The following GLMN variants were observed in gnomAD, a reference collection of about 807,000 sequenced individuals.
GLMN encodes glomulin.
GLMN carries 75 observed loss-of-function variants against 87.8 expected under a neutral mutation model. The ratio of observed to expected loss-of-function variants is 0.85; its 90% confidence interval spans 0.71 to 1.04. The LOEUF is 1.04. Ranked by LOEUF, GLMN falls within the 50% of genes least tolerant of loss-of-function variation. The pLI is 0.00. For synonymous variants in GLMN, 206 were observed against 221.6 expected, an observed-to-expected ratio of 0.93 and a Z score of 0.63; for missense variants, 588 against 658.8, an observed-to-expected ratio of 0.89 and a Z score of 1.18.
At chr1:92,351,305 C>CAAAAAAAAAAA in the GLMN span, among the ~76,000 whole-genome samples, 11 of 86,836 alleles carry the variant, frequency 1.3e-4, no homozygotes, top group African/African-American at 4.2e-4. Flanking sequence ...GACTCTGTCT[C>CAAAAAAAAAAA]AAAAAAAAAA....
chr1:92,304,486 A>G, the GLMN span: 1 of 505,032 alleles, frequency 2.0e-6, no homozygotes, highest in East Asian at 3.5e-5. Flanking sequence ...TGGTTAGAAA[A>G]TAGTGATGTT....
At chr1:92,351,396 T>C in the GLMN span, among the ~76,000 whole-genome samples, 9 of 152,128 alleles carry the variant, frequency 5.9e-5, no homozygotes, top group African/African-American at 2.2e-4. Flanking sequence ...TCATATTTGT[T>C]TTTATATTCC....
rs1190336395 is a variant in GLMN at position 92,264,655 on chromosome 1, C to G, written c.1215-17G>C. On this transcript the variant is annotated splice_polypyrimidine_tract_variant and intron_variant, in intron 13 of 18. Coordinates refer to ENST00000370360, the MANE Select transcript of GLMN (RefSeq NM_053274.3). ...AATAAGCACCTTGAAAGCAAAATTA[C>G]AATAGATGTGAAATTATCCTGGACA... 3 of 1,328,242 alleles carry G rather than the reference C, an allele frequency of 2.3e-6. No homozygotes were observed. The highest frequency in any genetic ancestry group is 1.7e-5 in the Admixed American group (1 of 59,628). 82.3% of individuals were successfully genotyped at this position (1,328,242 alleles called of 1,614,324 possible).
chr1:92,350,360 A>G, the GLMN span, among the ~76,000 whole-genome samples: 1 of 152,168 alleles, frequency 6.6e-6, no homozygotes, highest in Non-Finnish European at 1.5e-5. Context: ...TAACAGTGAT[A>G]ATTGATTGAC....
At chr1:92,321,475 TA>T in the GLMN span, among the ~76,000 whole-genome samples, 2 of 151,828 alleles carry the variant, frequency 1.3e-5, no homozygotes, top group African/African-American at 4.8e-5. Flanking sequence ...TATATATATA[TA>T]TTTTTTTCTT....
the GLMN span, among the ~76,000 whole-genome samples, chr1:92,332,448 C>T: frequency 6.6e-6 from 1 of 152,030 alleles, no homozygotes; most frequent in Non-Finnish European, 1.5e-5. Context: ...TCTCTGTAGG[C>T]TGTTTCAGAT....
upstream of GLMN, chr1:92,299,159 A>C (rs1242441898): frequency 2.0e-6 from 3 of 1,479,222 alleles, no homozygotes; most frequent in African/African-American, 1.4e-5. Flanking sequence ...AGGAGCAAGG[A>C]TCTCTTCCCA....
chr1:92,247,804 A>T, intron 17 of GLMN, 74 bp downstream of exon 17: 1 of 746,096 alleles, frequency 1.3e-6, no homozygotes, highest in East Asian at 2.5e-5. Flanking sequence ...AAAAGTTCTT[A>T]AATTTGAATA....
At position 92,288,991 on chromosome 1, in the gene GLMN, CT is replaced by C. The variant is rs746239209; in HGVS notation, c.554del (p.Lys185SerfsTer20). ...TATCAATGACTTCTTCCACAAAAGG[CT>C]TAGTGAACTCTATTAAGGCCTTGCA... Reference protein sequence around the residue: ...QCCKALIEFTKPFVEEVIDNK... With the variant: ...QCCKALIEFTXPFVEEVIDNK... On this transcript the variant is annotated frameshift_variant, in exon 6 of 19. Coordinates refer to ENST00000370360, the MANE Select transcript of GLMN (RefSeq NM_053274.3). LOFTEE classifies it high-confidence loss of function. 6.0e-5 allele frequency: 97 copies of C among 1,612,850 alleles called. No individual in the cohort carries two copies. The highest frequency in any genetic ancestry group is 8.0e-5 in the Non-Finnish European group (94 of 1,178,984).
chr1:92,292,142 T>G (rs550985790), intron 3 of GLMN, among the ~76,000 whole-genome samples: 1 of 152,320 alleles, frequency 6.6e-6, no homozygotes, highest in Non-Finnish European at 1.5e-5. Context: ...TCTGGCCTGC[T>G]TTGTATTTTA....
At chr1:92,302,555 T>G (rs1029789475), upstream of GLMN, among the ~76,000 whole-genome samples, 1 of 145,626 alleles carries the variant, frequency 6.9e-6, no homozygotes, top group African/African-American at 2.5e-5. Flanking sequence ...CATTTATGAC[T>G]CAACATAAAA....
intron 7 of GLMN, among the ~76,000 whole-genome samples, chr1:92,279,146 G>A (rs1433584021): frequency 6.6e-6 from 1 of 152,050 alleles, no homozygotes; most frequent in Non-Finnish European, 1.5e-5. Context: ...CATCATTAAA[G>A]TCACTTTGTA....
intron 16 of GLMN, 72 bp downstream of exon 16, chr1:92,262,791 G>T: frequency 1.4e-6 from 1 of 721,832 alleles, no homozygotes; most frequent in Non-Finnish European, 2.6e-6. Flanking sequence ...TTGGCTTTAG[G>T]TACTGAATAT....
chr1:92,306,226 GAAGT>G, the GLMN span, among the ~76,000 whole-genome samples: 2 of 152,152 alleles, frequency 1.3e-5, no homozygotes, highest in Admixed American at 1.3e-4. Flanking sequence ...GTGGGAATGG[GAAGT>G]TAGTGTATAG....
Position 92,292,586 on chromosome 1 carries a change from C to CCT in GLMN, c.166-1050_166-1049insAG, listed in dbSNP as rs1553146225. ...CCACCATGCCTGGCTAATTTTTTGCCTTTTTTTTTTTTTTTTTTAGTAGAG... is the reference window on the plus strand; with the variant it reads ...CCACCATGCCTGGCTAATTTTTTGCCCTTTTTTTTTTTTTTTTTTTAGTAGAG... On this transcript the variant is annotated intron_variant, in intron 3 of 18. Coordinates refer to ENST00000370360, the MANE Select transcript of GLMN (RefSeq NM_053274.3). 4.0e-5 allele frequency among the ~76,000 whole-genome samples: 5 copies of CCT among 125,330 alleles called. No homozygotes were observed. In the East Asian group the frequency reaches 1.2e-3, roughly 30 times the overall value. 82.2% of individuals were successfully genotyped at this position (125,330 alleles called of 152,430 possible).
chr1:92,271,085 GTTAAA>G (rs1254176410), intron 8 of GLMN, among the ~76,000 whole-genome samples: 1 of 152,126 alleles, frequency 6.6e-6, no homozygotes, highest in Non-Finnish European at 1.5e-5. Context: ...TTGAGAATGT[GTTAAA>G]TTAAAAGGAA....
In GLMN at chr1:92,289,078, AAG is replaced by A. The variant is rs775897914; in HGVS notation, c.466_467del (p.Leu156SerfsTer14). The A allele has an allele frequency of 6.2e-7, 1 of 1,612,298 alleles. No individual in the cohort carries two copies. Among genetic ancestry groups the A allele is most frequent in the Non-Finnish European group, 8.5e-7 (1 of 1,178,372 alleles). On this transcript the variant is annotated frameshift_variant, in exon 6 of 19. Coordinates refer to ENST00000370360, the MANE Select transcript of GLMN (RefSeq NM_053274.3). LOFTEE classifies it high-confidence loss of function. Reference sequence around the variant, plus strand: ...GTTCTTTTGAGTATGGAACAGGAAGAAGAGATAGCTGATTCCAAAGGGTAGAC... The same window carrying A: ...GTTCTTTTGAGTATGGAACAGGAAGAAGATAGCTGATTCCAAAGGGTAGAC... The part of the protein sequence containing the change: ...ALSTLWNQLS[L>X]LPVPYSKEQI...
intron 11 of GLMN, among the ~76,000 whole-genome samples, chr1:92,267,333 TC>T (rs2100899227): frequency 6.6e-6 from 1 of 152,310 alleles, no homozygotes; most frequent in South Asian, 2.1e-4. Flanking sequence ...GTTATGCTTT[TC>T]TACTGGATGC....
chr1:92,273,343 A>C (rs1210650225), intron 7 of GLMN, among the ~76,000 whole-genome samples: 1 of 152,054 alleles, frequency 6.6e-6, no homozygotes. Context: ...CAAGACAAAA[A>C]GTTTATTGCA....
Sources: gnomAD v4.1 joint callset for allele counts (sites outside exome capture counted in the v4.1 genomes callset) on GRCh38, gnomAD v4.1.1 for gene constraint, MANE v1.5 for transcripts, NCBI Gene and HGNC (gene_info 2026-07-23, HGNC 2026-07-21) for gene names.